Variants in GNB1 observed in about 807,000 individuals in gnomAD.
The protein encoded by GNB1 is G protein subunit beta 1, also known as guanine nucleotide-binding protein G(I)/G(S)/G(T) subunit beta-1.
A neutral mutation model predicts 42.9 loss-of-function variants in GNB1; 2 were observed. That is an observed-to-expected ratio of 0.05 (90% CI 0.02 to 0.15). The LOEUF is 0.15. Ranked by LOEUF, GNB1 falls within the 10% of genes least tolerant of loss-of-function variation. GNB1 has a pLI of 1.00. For synonymous variants in GNB1, 183 were observed against 174.7 expected (o/e 1.05, Z -0.38); for missense variants, 193 against 462.2 (o/e 0.42, Z 5.34).
At chr1:1,847,904 T>G (rs1647758654) in intron 1 of GNB1, among the ~76,000 whole-genome samples, 1 of 152,172 alleles carries the variant, frequency 6.6e-6, no homozygotes, top group South Asian at 2.1e-4. Flanking sequence ...ACTTCCAACG[T>G]GGTGCCAAAC....
chr1:1,864,747 T>TA (rs1296139844), intron 1 of GNB1, among the ~76,000 whole-genome samples: 2 of 152,232 alleles, frequency 1.3e-5, no homozygotes, highest in Non-Finnish European at 2.9e-5. Context: ...AATTTATAAC[T>TA]AAGAGGTTAT....
chr1:1,865,643 T>C (rs1010748919), intron 1 of GNB1, among the ~76,000 whole-genome samples: 2 of 152,084 alleles, frequency 1.3e-5, no homozygotes, highest in African/African-American at 2.4e-5. Flanking sequence ...TCCAAAAATA[T>C]CCAGTGACAG....
intron 1 of GNB1, chr1:1,839,812 C>T (rs771782051): frequency 6.6e-6 from 1 of 151,954 alleles, no homozygotes; most frequent in Non-Finnish European, 1.5e-5. Context: ...CGAGATCATT[C>T]CACTGCATTC....
intron 1 of GNB1, among the ~76,000 whole-genome samples, chr1:1,887,727 T>C (rs1227362068): frequency 6.6e-6 from 1 of 152,184 alleles, no homozygotes; most frequent in Non-Finnish European, 1.5e-5. Flanking sequence ...GCGATTCCCG[T>C]GCCTAAACCT....
At chr1:1,868,455 A>C (rs1475475381) in intron 1 of GNB1, among the ~76,000 whole-genome samples, 1 of 152,106 alleles carries the variant, frequency 6.6e-6, no homozygotes, top group Non-Finnish European at 1.5e-5. Flanking sequence ...CAAGCATGAG[A>C]CACCGTGCCT....
Position 1,793,269 on chromosome 1 carries a change from A to G in GNB1, c.473T>C (p.Val158Ala). 6.2e-7 allele frequency: 1 copy of G among 1,613,252 alleles called. No homozygotes were observed. The highest frequency in any genetic ancestry group is 8.5e-7 in the Non-Finnish European group (1 of 1,179,442). ...CCACGTGGTGTCTCCAGAGCTGGTG[A>G]CGATCTGATTGTCATCCAGGAATCG... ...CCRFLDDNQI[V>A]TSSGDTTCAL... Residue 158 changes from valine to alanine, a missense_variant, in exon 8 of 12, where the codon GTC becomes GCC. Transcript: ENST00000378609.
At position 1,854,163 on chromosome 1, in the gene GNB1, G is replaced by T. The variant is rs1247420840; in HGVS notation, c.-95-14925C>A. On this transcript the variant is annotated intron_variant, in intron 1 of 11. Transcript: ENST00000378609. The stretch of plus-strand genomic sequence containing the variant: ...TTTGATACATCAACTGCTATCCATT[G>T]CTAAGGAAACATAAAACTACGTAAG... Among the ~76,000 whole-genome samples, 6 of 152,310 alleles carry T rather than the reference G, an allele frequency of 3.9e-5. No homozygotes were observed. In the East Asian group the frequency reaches 1.2e-3, roughly 29 times the overall value.
chr1:1,824,711 T>C (rs779547017), intron 3 of GNB1, among the ~76,000 whole-genome samples: 14 of 152,110 alleles, frequency 9.2e-5, no homozygotes, highest in Non-Finnish European at 1.9e-4. Context: ...TAGCTGGGAA[T>C]ACAGGCACAC....
chr1:1,875,059 C>T (rs538640430), intron 1 of GNB1, among the ~76,000 whole-genome samples: 1 of 152,162 alleles, frequency 6.6e-6, no homozygotes, highest in Admixed American at 6.6e-5. Flanking sequence ...CTAACACTGC[C>T]GCTGATCTGA....
At chr1:1,801,149 T>C (rs1369800415) in intron 7 of GNB1, among the ~76,000 whole-genome samples, 1 of 152,236 alleles carries the variant, frequency 6.6e-6, no homozygotes, top group Non-Finnish European at 1.5e-5. Flanking sequence ...TGCTTCAGCC[T>C]CCTGAGCAGC....
At chr1:1,852,687 A>C (rs527420554) in intron 1 of GNB1, among the ~76,000 whole-genome samples, 1 of 139,116 alleles carries the variant, frequency 7.2e-6, no homozygotes, top group Admixed American at 7.1e-5. Flanking sequence ...GTCTCTTAAG[A>C]AAAAAAAAAA....
At chr1:1,822,364 C>T (rs1191421628) in intron 3 of GNB1, among the ~76,000 whole-genome samples, 3 of 148,546 alleles carry the variant, frequency 2.0e-5, no homozygotes, top group Non-Finnish European at 3.0e-5. Flanking sequence ...TGTGCAGTGG[C>T]GCGCTCTCGC....
At chr1:1,849,565 C>G (rs1023170543) in intron 1 of GNB1, among the ~76,000 whole-genome samples, 7 of 152,246 alleles carry the variant, frequency 4.6e-5, no homozygotes, top group African/African-American at 1.4e-4. Context: ...GCCAGAGCAC[C>G]TGGATAATTT....
chr1:1,825,578 G>A (rs1420129375), intron 2 of GNB1, 79 bp from the exon 3 acceptor site: 2 of 819,692 alleles, frequency 2.4e-6, no homozygotes, highest in South Asian at 1.4e-5. Context: ...TAAATTGAAA[G>A]TTTAAGGTGG....
At chr1:1,845,366 G>C (rs1415404974) in intron 1 of GNB1, among the ~76,000 whole-genome samples, 1 of 152,182 alleles carries the variant, frequency 6.6e-6, no homozygotes, top group Non-Finnish European at 1.5e-5. Flanking sequence ...GAGGTCAGGA[G>C]ATTGAGACCA....
intron 7 of GNB1, among the ~76,000 whole-genome samples, chr1:1,803,424 T>C (rs545409868): frequency 2.8e-4 from 42 of 152,146 alleles, no homozygotes; most frequent in African/African-American, 9.4e-4. Flanking sequence ...GCTGGGACCA[T>C]AGTTGTGTGC....
chr1:1,815,643 T>C, intron 5 of GNB1, 113 bp downstream of exon 5: 1 of 634,300 alleles, frequency 1.6e-6, no homozygotes. Context: ...CTGATTCAAC[T>C]TCCTAATTTC....
chr1:1,805,305 C>T (rs1646681959), intron 6 of GNB1, among the ~76,000 whole-genome samples: 1 of 151,684 alleles, frequency 6.6e-6, no homozygotes, highest in South Asian at 2.1e-4. Context: ...TGCTAAAATA[C>T]AAAAATTAGC....
At chr1:1,890,051 T>C (rs995109961) in intron 1 of GNB1, among the ~76,000 whole-genome samples, 1 of 152,004 alleles carries the variant, frequency 6.6e-6, no homozygotes, top group Non-Finnish European at 1.5e-5. Context: ...GAGCGCCATC[T>C]TGGCGCGGCC....
Sources: gnomAD v4.1 joint callset for allele counts (sites outside exome capture counted in the v4.1 genomes callset) on GRCh38, gnomAD v4.1.1 for gene constraint, MANE v1.5 for transcripts, NCBI Gene and HGNC (gene_info 2026-07-23, HGNC 2026-07-21) for gene names.